Variants in C16orf74 observed in about 807,000 individuals in gnomAD.
C16orf74 encodes the protein uncharacterized protein C16orf74.
Under a neutral mutation model 6.5 loss-of-function variants are expected in C16orf74, and 10 were observed. The ratio of observed to expected loss-of-function variants is 1.54; its 90% CI spans 0.95 to 2.61. The LOEUF (loss-of-function observed/expected upper bound fraction) is 2.61. Ranked by LOEUF, C16orf74 falls within the 30% of genes most tolerant of loss-of-function variation. The pLI, the probability that C16orf74 is intolerant of heterozygous loss-of-function variation, is 0.00. For missense variants in C16orf74, 141 were observed against 105.9 expected (o/e 1.33, Z -1.45); for synonymous variants, 60 against 42.5 (o/e 1.41, Z -1.60).
At chr16:85,720,333 C>G (rs2054070001) in intron 2 of C16orf74, among the ~76,000 whole-genome samples, 1 of 152,186 alleles carries the variant, frequency 6.6e-6, no homozygotes, top group African/African-American at 2.4e-5. Context: ...AACCACATTC[C>G]TGCCCTGGGC....
chr16:85,717,586 G>A (rs2054037723), intron 2 of C16orf74, among the ~76,000 whole-genome samples: 1 of 152,192 alleles, frequency 6.6e-6, no homozygotes, highest in African/African-American at 2.4e-5. Flanking sequence ...GGCCTAGGGG[G>A]TCCTGAGCTG....
chr16:85,731,528 C>A (rs978211449), intron 2 of C16orf74, among the ~76,000 whole-genome samples: 4 of 152,136 alleles, frequency 2.6e-5, no homozygotes, highest in African/African-American at 7.2e-5. Flanking sequence ...TGGGTCCTGG[C>A]GGGTCCCTCC....
intron 2 of C16orf74, among the ~76,000 whole-genome samples, chr16:85,722,996 T>C (rs1312305965): frequency 6.6e-6 from 1 of 152,178 alleles, no homozygotes; most frequent in East Asian, 1.9e-4. Context: ...TTCAGGCTCA[T>C]GCCTGAAATC....
chr16:85,741,234 C>T (rs151020077), intron 1 of C16orf74, among the ~76,000 whole-genome samples: 2 of 152,276 alleles, frequency 1.3e-5, no homozygotes, highest in Non-Finnish European at 1.5e-5. Context: ...GGTGGAGATG[C>T]GTTCCTGGGG....
At chr16:85,720,995 GCAC>G (rs2054076986) in intron 2 of C16orf74, among the ~76,000 whole-genome samples, 1 of 152,032 alleles carries the variant, frequency 6.6e-6, no homozygotes, top group Non-Finnish European at 1.5e-5. Context: ...GGAGGCTGAG[GCAC>G]GAGAATCACT....
intron 1 of C16orf74, among the ~76,000 whole-genome samples, chr16:85,749,813 C>T (rs1400042710): frequency 6.6e-6 from 1 of 152,234 alleles, no homozygotes; most frequent in East Asian, 1.9e-4. Context: ...GTGCACCCCA[C>T]CGGCATGGGA....
intron 1 of C16orf74, among the ~76,000 whole-genome samples, chr16:85,744,559 G>A (rs560773590): frequency 6.5e-4 from 99 of 152,226 alleles, no homozygotes; most frequent in African/African-American, 2.2e-3. Flanking sequence ...AGCCAGATGC[G>A]GTGGCTCATG....
At chr16:85,713,000 G>A (rs1016606146) in intron 2 of C16orf74, among the ~76,000 whole-genome samples, 9 of 152,172 alleles carry the variant, frequency 5.9e-5, no homozygotes, top group East Asian at 1.9e-4. Context: ...CAGTGCCTTC[G>A]TCTCCTGGGG....
chr16:85,744,170 A>T (rs1252965838), intron 1 of C16orf74: 1 of 134,738 alleles, frequency 7.4e-6, no homozygotes, highest in African/African-American at 2.7e-5. Context: ...GGTAGCGGTG[A>T]GCCGAGATTG....
chr16:85,707,886 C>T lies in C16orf74; in HGVS notation c.*122G>A, dbSNP rs991756817. ...CCTGCCACGTCTCTCTGAGCGGAGG[C>T]CCGGGTTCGCTCAGTTCCCATCCAG... is the stretch of plus-strand genomic sequence containing the variant. On this transcript the variant is annotated 3_prime_UTR_variant, in exon 4 of 4. Transcript: ENST00000284245. 3.9e-6 allele frequency: 3 copies of T among 762,070 alleles called. No individual in the cohort carries two copies. The highest frequency in any genetic ancestry group is 3.5e-5 in the African/African-American group (2 of 57,574). The allele number at this position is 762,070 out of a possible 1,614,324, so 47.2% of individuals were successfully genotyped here.
At chr16:85,708,563 C>A (rs138980330) in intron 3 of C16orf74, among the ~76,000 whole-genome samples, 1 of 152,342 alleles carries the variant, frequency 6.6e-6, no homozygotes, top group East Asian at 1.9e-4. Context: ...CTGTCCCTCT[C>A]TGGACCTGTT....
intron 1 of C16orf74, among the ~76,000 whole-genome samples, chr16:85,749,376 C>T (rs1424753185): frequency 6.6e-6 from 1 of 152,132 alleles, no homozygotes; most frequent in Non-Finnish European, 1.5e-5. Flanking sequence ...GCCTCAACTT[C>T]TTGGGCTCAA....
chr16:85,717,992 C>T (rs1034517445), intron 2 of C16orf74, among the ~76,000 whole-genome samples: 11 of 152,240 alleles, frequency 7.2e-5, no homozygotes, highest in Non-Finnish European at 1.3e-4. Flanking sequence ...GGTGAACTCC[C>T]GGCCGCCCAG....
In C16orf74 at chr16:85,708,866, G is replaced by C. The variant is rs569677229; in HGVS notation, c.173-800C>G. ...CCATGCACACTACACCAGCCTCATG[G>C]GTGCCTTGTCCCCTGCATGGGCCCA... On this transcript the variant is annotated intron_variant, in intron 3 of 3. Coordinates refer to ENST00000284245, the MANE Select transcript of C16orf74 (RefSeq NM_206967.3). 1.9e-3 allele frequency among the ~76,000 whole-genome samples: 286 copies of C among 152,314 alleles called. 2 individuals carry two copies. Among genetic ancestry groups the C allele is most frequent in the African/African-American group, 6.2e-3 (257 of 41,572 alleles).
At chr16:85,714,780 C>A (rs1020741626) in intron 2 of C16orf74, among the ~76,000 whole-genome samples, 1 of 151,938 alleles carries the variant, frequency 6.6e-6, no homozygotes, top group African/African-American at 2.4e-5. Flanking sequence ...CTCAGCCCAA[C>A]AGAACTCCGA....
At chr16:85,709,460 TCA>T (rs2053945285) in intron 3 of C16orf74, among the ~76,000 whole-genome samples, 1 of 151,836 alleles carries the variant, frequency 6.6e-6, no homozygotes, top group Admixed American at 6.6e-5. Context: ...TTTGTTACGC[TCA>T]GTACAGTGCT....
chr16:85,736,861 T>C (rs1421131388), intron 1 of C16orf74, among the ~76,000 whole-genome samples: 2 of 151,942 alleles, frequency 1.3e-5, no homozygotes, highest in Non-Finnish European at 2.9e-5. Context: ...CTGGCCAACA[T>C]GGTGAAACCC....
intron 3 of C16orf74, among the ~76,000 whole-genome samples, chr16:85,709,419 A>G (rs1025851786): frequency 1.8e-4 from 28 of 152,116 alleles, no homozygotes; most frequent in Non-Finnish European, 2.9e-4. Context: ...GAACTCTGAG[A>G]ATTCCTGTAA....
chr16:85,719,850 GCACA>G (rs979904063), intron 2 of C16orf74, among the ~76,000 whole-genome samples: 3 of 144,404 alleles, frequency 2.1e-5, no homozygotes, highest in Non-Finnish European at 3.0e-5. Flanking sequence ...ACAGGCCACA[GCACA>G]CACAAAGGCC....
Sources: gnomAD v4.1 joint callset for allele counts (sites outside exome capture counted in the v4.1 genomes callset) on GRCh38, gnomAD v4.1.1 for gene constraint, MANE v1.5 for transcripts, NCBI Gene and HGNC (gene_info 2026-07-23, HGNC 2026-07-21) for gene names.